Variants in ZNF664 observed in about 807,000 individuals in gnomAD.
ZNF664 encodes zinc finger Organ of Corti 1.
Under a neutral mutation model 18.2 loss-of-function variants are expected in ZNF664, and 10 were observed. The observed-to-expected ratio is 0.55, with a 90% CI of 0.34 to 0.93. The LOEUF is 0.93. ZNF664 is among the 40% of genes least tolerant of loss of function. ZNF664 has a pLI of 0.02. For synonymous variants in ZNF664, 119 were observed against 104.2 expected (o/e 1.14, Z -0.86); for missense variants, 193 against 319.0 (o/e 0.61, Z 3.01).
chr12:124,007,226 G>C (rs1369707379), intron 3 of ZNF664, among the ~76,000 whole-genome samples: 2 of 152,212 alleles, frequency 1.3e-5, no homozygotes, highest in Non-Finnish European at 2.9e-5. Context: ...TATCTGGAAG[G>C]AATGGCAGTG....
At position 123,973,311 on chromosome 12, in the gene ZNF664, C is replaced by T; in HGVS notation, c.-933C>T. On this transcript the variant is annotated 5_prime_UTR_variant, in exon 1 of 5. Coordinates refer to ENST00000337815, the MANE Select transcript of ZNF664 (RefSeq NM_152437.3). ...GTCCCTGAGGAGAGGGAGGTGGGTG[C>T]GCGGCGCCCGCGGCCTGGGGCGCTG... The T allele has an allele frequency of 1.2e-6, 1 of 811,778 alleles. No homozygotes were observed. The highest frequency in any genetic ancestry group is 5.6e-5 in the South Asian group (1 of 17,864). The allele number at this position is 811,778 out of a possible 1,614,324, so 50.3% of individuals were successfully genotyped here.
In ZNF664 at chr12:123,973,994, C is replaced by CA; in HGVS notation, c.-782dup. On this transcript the variant is annotated 5_prime_UTR_variant, in exon 2 of 5. Coordinates refer to ENST00000337815, the MANE Select transcript of ZNF664 (RefSeq NM_152437.3). ...CCGCCGGACGCCTCCATTGTTTGAC[C>CA]ACAACAAGGGCCGGATTCTCACCCA... 8.1e-7 allele frequency: 1 copy of CA among 1,231,996 alleles called. No individual in the cohort carries two copies. Among genetic ancestry groups the CA allele is most frequent in the Non-Finnish European group, 1.0e-6 (1 of 988,170 alleles). The allele number at this position is 1,231,996 out of a possible 1,614,324, so 76.3% of individuals were successfully genotyped here.
At chr12:124,006,160 A>G (rs900421845) in intron 3 of ZNF664, 7 of 152,280 alleles carry the variant, frequency 4.6e-5, no homozygotes, top group African/African-American at 1.7e-4. Flanking sequence ...GTTGAATATA[A>G]TCCAGTTCAT....
At chr12:123,981,353 G>A (rs1956763027) in intron 2 of ZNF664, among the ~76,000 whole-genome samples, 1 of 152,184 alleles carries the variant, frequency 6.6e-6, no homozygotes, top group African/African-American at 2.4e-5. Flanking sequence ...GAGAGGTGGG[G>A]CCTTTCAGAG....
intron 2 of ZNF664, among the ~76,000 whole-genome samples, chr12:123,981,111 A>T (rs1180541640): frequency 6.6e-6 from 1 of 152,226 alleles, no homozygotes; most frequent in South Asian, 2.1e-4. Flanking sequence ...ATTCCAGGGA[A>T]GATGATGGTG....
At chr12:123,986,642 T>C (rs996667810) in intron 2 of ZNF664, among the ~76,000 whole-genome samples, 2 of 152,190 alleles carry the variant, frequency 1.3e-5, no homozygotes, top group African/African-American at 4.8e-5. Context: ...CTTTTATTGT[T>C]GTTCCAAGCC....
chr12:123,979,524 C>A (rs1426905171), intron 2 of ZNF664, among the ~76,000 whole-genome samples: 3 of 152,112 alleles, frequency 2.0e-5, no homozygotes, highest in Non-Finnish European at 4.4e-5. Context: ...AGCTACACTT[C>A]AAGGAATCTG....
intron 3 of ZNF664, among the ~76,000 whole-genome samples, chr12:123,992,923 C>A (rs556853484): frequency 6.6e-6 from 1 of 152,252 alleles, no homozygotes; most frequent in East Asian, 1.9e-4. Flanking sequence ...CCTCTCAGTT[C>A]TGACCACCTC....
In ZNF664 at chr12:123,988,076, C is replaced by T; in HGVS notation, c.-723C>T. 8.1e-7 allele frequency: 1 copy of T among 1,231,594 alleles called. No homozygotes were observed. Among genetic ancestry groups the T allele is most frequent in the Non-Finnish European group, 1.0e-6 (1 of 987,888 alleles). The allele number at this position is 1,231,594 out of a possible 1,614,324, so 76.3% of individuals were successfully genotyped here. A position where few individuals can be genotyped will look rare whatever the true frequency, so the allele number is the denominator to read the frequency against. On this transcript the variant is annotated 5_prime_UTR_variant, in exon 3 of 5. Coordinates refer to ENST00000337815, the MANE Select transcript of ZNF664 (RefSeq NM_152437.3). ...TAAGGCCTTTGTAGTCCTTCAGCCACTGTGGGCCCTGCCTCTGCCTGTTCT... is the reference window on the plus strand; with the variant it reads ...TAAGGCCTTTGTAGTCCTTCAGCCATTGTGGGCCCTGCCTCTGCCTGTTCT...
intron 3 of ZNF664, among the ~76,000 whole-genome samples, chr12:123,998,998 A>G (rs755744169): frequency 3.9e-5 from 6 of 152,188 alleles, no homozygotes; most frequent in Admixed American, 1.3e-4. Context: ...GGATCTTTCT[A>G]TAAAACCCTT....
At chr12:123,978,266 G>A (rs1262214848) in intron 2 of ZNF664, among the ~76,000 whole-genome samples, 1 of 151,866 alleles carries the variant, frequency 6.6e-6, no homozygotes, top group African/African-American at 2.4e-5. Flanking sequence ...CCAAATTGGT[G>A]AAGAAAATAA....
At chr12:123,991,375 A>C (rs77491332) in intron 3 of ZNF664, among the ~76,000 whole-genome samples, 1 of 152,218 alleles carries the variant, frequency 6.6e-6, no homozygotes, top group East Asian at 1.9e-4. Flanking sequence ...GGGTGGGAAC[A>C]GGGAGCAGCA....
intron 3 of ZNF664, chr12:123,989,225 A>C (rs1191453446): frequency 6.5e-6 from 1 of 152,704 alleles, no homozygotes; most frequent in Non-Finnish European, 1.5e-5. Context: ...TAGAGTGGTA[A>C]GGCTGGGGCT....
At chr12:124,000,343 A>AAC (rs1956997064) in intron 3 of ZNF664, among the ~76,000 whole-genome samples, 1 of 151,958 alleles carries the variant, frequency 6.6e-6, no homozygotes, top group African/African-American at 2.4e-5. Context: ...TTTCTACTTA[A>AAC]ACACACACAC....
At position 124,012,439 on chromosome 12, in the gene ZNF664, A is replaced by C; in HGVS notation, c.295A>C (p.Ser99Arg). 9 of 1,614,204 alleles carry C rather than the reference A, an allele frequency of 5.6e-6. No homozygotes were observed. The highest frequency in any genetic ancestry group is 7.6e-6 in the Non-Finnish European group (9 of 1,180,048). Residue 99 changes from serine to arginine, a missense_variant, in exon 5 of 5, where the codon AGC becomes CGC. Coordinates refer to ENST00000337815, the MANE Select transcript of ZNF664 (RefSeq NM_152437.3). ...CGAGTGTGGCAAAGCCTTCAATTGGAGCTCCCATCTTCAAATTCATATGAG... is the reference window on the plus strand; with the variant it reads ...CGAGTGTGGCAAAGCCTTCAATTGGCGCTCCCATCTTCAAATTCATATGAG... The part of the protein sequence containing the change: ...CYECGKAFNW[S>R]SHLQIHMRVH...
chr12:123,984,881 T>C (rs1685504191), intron 2 of ZNF664, among the ~76,000 whole-genome samples: 1 of 152,112 alleles, frequency 6.6e-6, no homozygotes, highest in Non-Finnish European at 1.5e-5. Context: ...CAGGACATAC[T>C]GTATGGAGGA....
chr12:124,009,821 TTATTTTA>T (rs1348777006), intron 3 of ZNF664, among the ~76,000 whole-genome samples: 4 of 152,086 alleles, frequency 2.6e-5, no homozygotes, highest in Non-Finnish European at 5.9e-5. Context: ...AGGCCAGAGT[TTATTTTA>T]TATATTACCT....
intron 2 of ZNF664, among the ~76,000 whole-genome samples, chr12:123,980,870 A>C (rs1416644880): frequency 1.3e-5 from 2 of 152,234 alleles, no homozygotes; most frequent in Non-Finnish European, 2.9e-5. Flanking sequence ...TGTATGATGG[A>C]ACATTTGATT....
intron 2 of ZNF664, among the ~76,000 whole-genome samples, chr12:123,975,918 T>A (rs1956685557): frequency 6.6e-6 from 1 of 152,234 alleles, no homozygotes; most frequent in Non-Finnish European, 1.5e-5. Context: ...AAGGGATTGT[T>A]ACTAAATTTG....
Sources: allele counts gnomAD v4.1 joint callset (sites outside exome capture counted in the v4.1 genomes callset), GRCh38; gene constraint gnomAD v4.1.1; transcripts MANE v1.5; gene names NCBI Gene and HGNC (gene_info 2026-07-23, HGNC 2026-07-21).